NBAS: variants seen among roughly 807,000 people sequenced by gnomAD.
The protein encoded by NBAS is NBAS subunit of NRZ tethering complex.
A neutral mutation model predicts 302.5 loss-of-function variants in NBAS; 219 were observed. The observed-to-expected ratio is 0.72, with a 90% confidence interval of 0.65 to 0.81. The LOEUF (loss-of-function observed/expected upper bound fraction) is 0.81, where lower values mean the gene tolerates loss of function less well. Among genes scored for constraint, NBAS ranks in the 30% least tolerant of loss-of-function variants. The pLI is 0.00. For synonymous variants in NBAS, 1,118 were observed against 1,021.6 expected, an observed-to-expected ratio of 1.09 and a Z score of -1.80; for missense variants, 2,932 against 2,841.6, an observed-to-expected ratio of 1.03 and a Z score of -0.72.
the NBAS span, among the ~76,000 whole-genome samples, chr2:14,845,030 T>C: frequency 1.3e-5 from 2 of 152,116 alleles, no homozygotes; most frequent in Non-Finnish European, 2.9e-5. Flanking sequence ...TGTCTGCTGA[T>C]TGTAAAGCCC....
chr2:15,062,558 G>A, the NBAS span, among the ~76,000 whole-genome samples: 1 of 152,034 alleles, frequency 6.6e-6, no homozygotes, highest in Admixed American at 6.6e-5. Flanking sequence ...TCTTCTAAAG[G>A]GCATGCAATC....
intron 9 of NBAS, 40 bp from the exon 10 acceptor site, chr2:15,511,390 A>G: frequency 1.3e-6 from 2 of 1,584,484 alleles, no homozygotes; most frequent in Non-Finnish European, 1.7e-6. Flanking sequence ...TAAATTGCAA[A>G]TATAAATAAG....
chr2:15,537,664 T>C (rs1033981876), intron 7 of NBAS, among the ~76,000 whole-genome samples: 14 of 152,056 alleles, frequency 9.2e-5, no homozygotes, highest in Admixed American at 1.3e-4. Flanking sequence ...ATCATTATCA[T>C]TACACCACTG....
At chr2:15,170,080 G>A (rs574360505) in intron 51 of NBAS, among the ~76,000 whole-genome samples, 1 of 152,182 alleles carries the variant, frequency 6.6e-6, no homozygotes, top group Non-Finnish European at 1.5e-5. Context: ...CTTCTAGGCT[G>A]GGACACCTTT....
At chr2:15,314,724 T>C (rs1671429846) in intron 38 of NBAS, among the ~76,000 whole-genome samples, 1 of 152,222 alleles carries the variant, frequency 6.6e-6, no homozygotes. Context: ...AATACTTGTA[T>C]GAGAGTTCAC....
At position 15,386,193 on chromosome 2, in the gene NBAS, C is replaced by A. The variant is rs116527988; in HGVS notation, c.3258-2876G>T. On this transcript the variant is annotated intron_variant, in intron 28 of 51. Coordinates refer to ENST00000281513, the MANE Select transcript of NBAS (RefSeq NM_015909.4). ...ACTGTAGTATAGTTGCAGTGTAACA[C>A]CGTATAGCTGCAAGAGACAGTCAGA... 8.0e-3 allele frequency among the ~76,000 whole-genome samples: 1,213 copies of A among 152,116 alleles called. 14 individuals carry two copies. Among genetic ancestry groups the A allele is most frequent in the African/African-American group, 0.028 (1,147 of 41,478 alleles).
the NBAS span, among the ~76,000 whole-genome samples, chr2:14,922,637 T>A: frequency 1.3e-3 from 192 of 152,322 alleles, no homozygotes; most frequent in African/African-American, 3.4e-3. Flanking sequence ...TCTTTAACCT[T>A]AATTACCTCC....
At chr2:14,809,955 C>T in the NBAS span, among the ~76,000 whole-genome samples, 3 of 152,198 alleles carry the variant, frequency 2.0e-5, no homozygotes, top group East Asian at 1.9e-4. Context: ...TTTGACTGCC[C>T]CGCTGTATTT....
the NBAS span, among the ~76,000 whole-genome samples, chr2:14,879,798 G>A: frequency 6.6e-6 from 1 of 152,224 alleles, no homozygotes; most frequent in South Asian, 2.1e-4. Flanking sequence ...TCCCAGAGCA[G>A]AGAATGGGGA....
At chr2:15,004,525 A>C in the NBAS span, among the ~76,000 whole-genome samples, 1 of 152,164 alleles carries the variant, frequency 6.6e-6, no homozygotes, top group Admixed American at 6.5e-5. Context: ...TTTTTAAGAC[A>C]AGAGTCTCAC....
At chr2:15,524,561 A>C (rs1190881187) in intron 9 of NBAS, among the ~76,000 whole-genome samples, 1 of 152,160 alleles carries the variant, frequency 6.6e-6, no homozygotes, top group Non-Finnish European at 1.5e-5. Context: ...CACCTATGTC[A>C]ACCATCAATC....
At chr2:15,540,405 C>T (rs1663751230) in intron 6 of NBAS, among the ~76,000 whole-genome samples, 1 of 152,030 alleles carries the variant, frequency 6.6e-6, no homozygotes, top group Non-Finnish European at 1.5e-5. Context: ...TCACCATCTC[C>T]TGCTTGGCCT....
At chr2:15,030,665 G>A in the NBAS span, among the ~76,000 whole-genome samples, 4 of 152,144 alleles carry the variant, frequency 2.6e-5, no homozygotes, top group Non-Finnish European at 4.4e-5. Flanking sequence ...CTCCACCTCT[G>A]AACTGCTGAT....
chr2:15,263,728 C>T (rs1668951073), intron 44 of NBAS, among the ~76,000 whole-genome samples: 3 of 152,284 alleles, frequency 2.0e-5, no homozygotes, highest in South Asian at 4.1e-4. Flanking sequence ...TTTTATACTA[C>T]GGGGCCTTTC....
At chr2:15,059,978 A>C in the NBAS span, among the ~76,000 whole-genome samples, 46,875 of 137,678 alleles carry the variant, frequency 0.34, 8,243 homozygotes, top group African/African-American at 0.47. Context: ...AAAAAAAACA[A>C]AAAAAAAAAC....
chr2:15,004,480 T>C, the NBAS span, among the ~76,000 whole-genome samples: 1 of 152,148 alleles, frequency 6.6e-6, no homozygotes, highest in Non-Finnish European at 1.5e-5. Flanking sequence ...ATTTATTACC[T>C]GCCAAACGGT....
At chr2:15,219,046 C>G in intron 47 of NBAS, 78 bp from the exon 48 acceptor site, 1 of 1,536,736 alleles carries the variant, frequency 6.5e-7, no homozygotes, top group Non-Finnish European at 8.9e-7. Context: ...AATGTGGTCA[C>G]TGACCTAACA....
At chr2:15,505,225 A>G (rs187165702) in intron 10 of NBAS, among the ~76,000 whole-genome samples, 2 of 152,348 alleles carry the variant, frequency 1.3e-5, no homozygotes, top group East Asian at 3.9e-4. Flanking sequence ...AAGCAAATTG[A>G]AAAACACCCA....
At chr2:15,196,584 G>A (rs559822038) in intron 48 of NBAS, among the ~76,000 whole-genome samples, 1 of 151,958 alleles carries the variant, frequency 6.6e-6, no homozygotes. Flanking sequence ...ACAAAATGCA[G>A]AAAACAAACT....
Sources: gnomAD v4.1 joint callset for allele counts (sites outside exome capture counted in the v4.1 genomes callset) on GRCh38, gnomAD v4.1.1 for gene constraint, MANE v1.5 for transcripts, NCBI Gene and HGNC (gene_info 2026-07-23, HGNC 2026-07-21) for gene names.